VCL: variants seen among roughly 807,000 people sequenced by gnomAD.
VCL encodes the protein vinculin.
Under a neutral mutation model 125.7 loss-of-function variants are expected in VCL, and 47 were observed. The observed-to-expected ratio is 0.37, with a 90% confidence interval of 0.30 to 0.48. VCL has a LOEUF of 0.48. VCL is among the 20% of genes least tolerant of loss of function. VCL has a pLI of 0.99. For missense variants in VCL, 1,069 were observed against 1,455.5 expected (o/e 0.73, Z 4.32); for synonymous variants, 458 against 514.6 (o/e 0.89, Z 1.49).
intron 10 of VCL, among the ~76,000 whole-genome samples, chr10:74,090,950 G>A (rs950093263): frequency 1.3e-5 from 2 of 151,944 alleles, no homozygotes; most frequent in African/African-American, 4.8e-5. Flanking sequence ...ACAGGCACGT[G>A]CCACCATGCC....
intron 1 of VCL, among the ~76,000 whole-genome samples, chr10:74,015,524 G>C (rs1840521308): frequency 6.6e-6 from 1 of 151,898 alleles, no homozygotes; most frequent in Non-Finnish European, 1.5e-5. Flanking sequence ...CTGGGTGACA[G>C]AGGGAAACTC....
intron 18 of VCL, among the ~76,000 whole-genome samples, chr10:74,110,888 C>T (rs538717307): frequency 2.0e-5 from 3 of 152,246 alleles, no homozygotes; most frequent in Admixed American, 6.5e-5. Context: ...TTATAATCTC[C>T]ATCCCTGGTT....
intron 1 of VCL, among the ~76,000 whole-genome samples, chr10:74,007,642 C>A (rs1002900234): frequency 2.0e-5 from 3 of 151,564 alleles, no homozygotes; most frequent in African/African-American, 7.3e-5. Context: ...ATTACAGGCA[C>A]GTGCCACCAC....
intron 2 of VCL, among the ~76,000 whole-genome samples, chr10:74,054,594 T>C (rs1193496249): frequency 6.6e-6 from 1 of 152,230 alleles, no homozygotes; most frequent in Non-Finnish European, 1.5e-5. Context: ...GATTGCCTAC[T>C]TTTTTTCAGC....
At chr10:74,051,933 G>A (rs1003114173) in intron 2 of VCL, among the ~76,000 whole-genome samples, 5 of 152,142 alleles carry the variant, frequency 3.3e-5, no homozygotes, top group Non-Finnish European at 5.9e-5. Flanking sequence ...TTCTGCTGGC[G>A]GAGCAGGGCT....
rs564882287 is a variant in VCL, at chr10:74,094,445, G to A, written c.1527G>A (p.Val509=). Residue 509 remains valine, a synonymous_variant, in exon 11 of 22, where the codon GTG becomes GTA. Coordinates refer to ENST00000211998, the MANE Select transcript of VCL (RefSeq NM_014000.3). Reference sequence around the variant, plus strand: ...AGCGGTGGATTGATAATCCCACAGTGGATGACCGTGGAGTCGGTAAGGGCA... The same window carrying A: ...AGCGGTGGATTGATAATCCCACAGTAGATGACCGTGGAGTCGGTAAGGGCA... ...QAQRWIDNPT[V]DDRGVGQAAI... is the part of the protein sequence containing the mutation. The A allele has an allele frequency of 5.6e-6, 9 of 1,613,930 alleles. No individual in the cohort carries two copies. In the South Asian group the frequency reaches 8.8e-5, roughly 16 times the overall value.
rs1841410820 is a variant in VCL, at chr10:74,057,640, A to T, written c.240-13030A>T. ...ACAGGAAAAAAAGAAGTTTTAAAAG[A>T]TGTTGTTCATGGCCAGGTGTGGTGG... On this transcript the variant is annotated intron_variant, in intron 2 of 21. Coordinates refer to ENST00000211998, the MANE Select transcript of VCL (RefSeq NM_014000.3). Among the ~76,000 whole-genome samples, 8 of 152,266 alleles carry T rather than the reference A, an allele frequency of 5.3e-5. No individual in the cohort carries two copies. The South Asian group carries it at 1.5e-3, about 28-fold the overall frequency.
intron 8 of VCL, 26 bp from the exon 9 acceptor site, chr10:74,089,170 T>G: frequency 5.0e-6 from 8 of 1,613,862 alleles, no homozygotes; most frequent in Non-Finnish European, 6.8e-6. Flanking sequence ...GGGTGTACAA[T>G]GACAGCATGT....
chr10:74,000,342 C>A (rs761721687), intron 1 of VCL, among the ~76,000 whole-genome samples: 1 of 148,784 alleles, frequency 6.7e-6, no homozygotes, highest in Non-Finnish European at 1.5e-5. Context: ...TAGCTCACTG[C>A]AGCCTCCATC....
Position 74,052,946 on chromosome 10 carries a change from A to AT in VCL, c.239+9793_239+9794insT, listed in dbSNP as rs1554815581. Among the ~76,000 whole-genome samples the AT allele has an allele frequency of 8.4e-3, 842 of 99,810 alleles. 5 individuals carry two copies. The highest frequency in any genetic ancestry group is 0.048 in the East Asian group (172 of 3,620). The allele number at this position is 99,810 out of a possible 152,430, so 65.5% of individuals were successfully genotyped here. On this transcript the variant is annotated intron_variant, in intron 2 of 21. Transcript: ENST00000211998. ...CTACCTGGCTGTGATGAAAAAAAAA[A>AT]ATATATATATATATATATATAGTGC...
chr10:74,112,895 A>G (rs1052890229), intron 19 of VCL, among the ~76,000 whole-genome samples: 15 of 152,168 alleles, frequency 9.9e-5, no homozygotes, highest in African/African-American at 3.1e-4. Context: ...AACCAACGTG[A>G]TGGGGTCCTG....
chr10:74,094,155 A>G (rs1460672421), intron 10 of VCL, 116 bp from the exon 11 acceptor site: 5 of 1,292,678 alleles, frequency 3.9e-6, no homozygotes, highest in Non-Finnish European at 5.4e-6. Flanking sequence ...TTTCAAACCA[A>G]ATTAATAGTA....
At chr10:74,092,836 A>C (rs1371255571) in intron 10 of VCL, among the ~76,000 whole-genome samples, 2 of 152,142 alleles carry the variant, frequency 1.3e-5, no homozygotes, top group Non-Finnish European at 2.9e-5. Flanking sequence ...TCTGTATTTA[A>C]AAATAAGATC....
rs1233764253 is a variant in VCL, at chr10:74,101,074, A to G, written c.1999A>G (p.Thr667Ala). 1 of 1,613,492 alleles carries G rather than the reference A, an allele frequency of 6.2e-7. No homozygotes were observed. Among genetic ancestry groups the G allele is most frequent in the Non-Finnish European group, 8.5e-7 (1 of 1,179,724 alleles). Reference protein sequence around the residue: ...TVEGIQASVKTARELTPQVVS... With the variant: ...TVEGIQASVKAARELTPQVVS... Reference sequence around the variant, plus strand: ...GGAAGGCATTCAGGCCTCAGTGAAGACGGCCCGAGAACTCACACCCCAGGT... The same window carrying G: ...GGAAGGCATTCAGGCCTCAGTGAAGGCGGCCCGAGAACTCACACCCCAGGT... Residue 667 changes from threonine to alanine, a missense_variant, in exon 14 of 22, where the codon ACG becomes GCG. Physicochemically the swap from Thr to Ala is moderately conservative, Grantham distance 58 (BLOSUM62 0). This residue lies in a region of VCL where 760 missense variants were observed against 928.9 expected (regional missense o/e 0.82). Transcript: ENST00000211998.
rs781226887 is a variant in VCL, at chr10:74,107,249, G to A, written c.2454G>A (p.Leu818=). The A allele has an allele frequency of 1.2e-6, 2 of 1,614,174 alleles. No homozygotes were observed. The highest frequency in any genetic ancestry group is 3.3e-5 in the Admixed American group (2 of 60,026). Residue 818 remains leucine, a synonymous_variant, in exon 17 of 22, where the codon CTG becomes CTA. Coordinates refer to ENST00000211998, the MANE Select transcript of VCL (RefSeq NM_014000.3). ...ISDPGLQKSF[L]DSGYRILGAV... The stretch of plus-strand genomic sequence containing the variant: ...GTTTAGGACTGCAAAAGAGCTTCCT[G>A]GACTCAGGATATCGGATCCTGGGAG...
At chr10:74,037,287 G>T (rs942393835) in intron 1 of VCL, among the ~76,000 whole-genome samples, 1 of 152,172 alleles carries the variant, frequency 6.6e-6, no homozygotes, top group Non-Finnish European at 1.5e-5. Context: ...GATGGTGACA[G>T]GAGAGTACAG....
In VCL at chr10:74,022,699, C is replaced by T. The variant is rs368343177; in HGVS notation, c.169-20384C>T. 7.3e-5 allele frequency among the ~76,000 whole-genome samples: 11 copies of T among 150,812 alleles called. No individual in the cohort carries two copies. In the East Asian group the frequency reaches 1.8e-3, roughly 24 times the overall value. ...TTGCCCAGGCTGGAGTGCAATGACA[C>T]GATCTCGGCTCACTGCAACCTCCGC... On this transcript the variant is annotated intron_variant, in intron 1 of 21. Coordinates refer to ENST00000211998, the MANE Select transcript of VCL (RefSeq NM_014000.3).
Position 74,097,382 on chromosome 10 carries a change from A to G in VCL, c.1872+50A>G, listed in dbSNP as rs1839987472. On this transcript the variant is annotated intron_variant, in intron 13 of 21. Coordinates refer to ENST00000211998, the MANE Select transcript of VCL (RefSeq NM_014000.3). This position sits in a 1 kb window ranked among gnomAD's most constrained non-coding sequence, Gnocchi z 4.1. ...TTCTGTCAGCCTGTGCTATAGGTATATGTAAAGGTGAAATGTGATTACAGT... is the reference window on the plus strand; with the variant it reads ...TTCTGTCAGCCTGTGCTATAGGTATGTGTAAAGGTGAAATGTGATTACAGT... 2 of 1,600,126 alleles carry G rather than the reference A, an allele frequency of 1.2e-6. No individual in the cohort carries two copies. Among genetic ancestry groups the G allele is most frequent in the East Asian group, 4.5e-5 (2 of 44,364 alleles).
Position 74,114,284 on chromosome 10 carries a change from A to G in VCL, c.3050A>G (p.Gln1017Arg). 6.2e-7 allele frequency: 1 copy of G among 1,614,100 alleles called. No individual in the cohort carries two copies. Among genetic ancestry groups the G allele is most frequent in the Non-Finnish European group, 8.5e-7 (1 of 1,180,018 alleles). Residue 1017 changes from glutamine to arginine, a missense_variant, in exon 20 of 22, where the codon CAG becomes CGG. Gln to Arg is a conservative substitution (Grantham distance 43). Around this residue, in one of 6 missense-constraint regions of VCL, gnomAD observed 91 missense variants for 203.9 expected, o/e 0.45. Transcript: ENST00000211998. ...GGSGTKRALIQCAKDIAKASD... is the reference protein window; with the variant it reads ...GGSGTKRALIRCAKDIAKASD... ...AGTGGTACCAAGCGGGCACTCATTC[A>G]GTGTGCCAAGGACATCGCCAAGGCC...
Sources: allele counts gnomAD v4.1 joint callset (sites outside exome capture counted in the v4.1 genomes callset), GRCh38; gene constraint gnomAD v4.1.1; regional missense constraint gnomAD v4.1.1; non-coding constraint Gnocchi (gnomAD v3.1); transcripts MANE v1.5; gene names NCBI Gene and HGNC (gene_info 2026-07-23, HGNC 2026-07-21).